DPP6: variants seen among roughly 807,000 people sequenced by gnomAD.
The protein encoded by DPP6 is A-type potassium channel modulatory protein DPP6.
In DPP6, 69 loss-of-function variants were observed where a neutral mutation model predicts 122.6. The ratio of observed to expected loss-of-function variants is 0.56; its 90% CI spans 0.46 to 0.69. DPP6 has a LOEUF of 0.69. DPP6 is among the 30% of genes least tolerant of loss of function. The probability of loss-of-function intolerance (pLI) is 0.00; values close to 1 mark genes in which losing one functional copy is unlikely to be tolerated. For synonymous variants in DPP6, 418 were observed against 433.1 expected (o/e 0.97, Z 0.43); for missense variants, 928 against 1,116.9 (o/e 0.83, Z 2.41).
intron 1 of DPP6, among the ~76,000 whole-genome samples, chr7:154,063,252 CA>C (rs1347662024): frequency 2.2e-5 from 3 of 136,830 alleles, no homozygotes; most frequent in East Asian, 2.2e-4. Context: ...CCTATTCCCC[CA>C]CTGGCTCTTA....
chr7:154,141,911 T>C (rs1489410421), intron 1 of DPP6, among the ~76,000 whole-genome samples: 1 of 152,206 alleles, frequency 6.6e-6, no homozygotes, highest in Non-Finnish European at 1.5e-5. Context: ...TAAAAATACA[T>C]TTGAATATGA....
intron 1 of DPP6, among the ~76,000 whole-genome samples, chr7:154,067,651 C>T (rs959686450): frequency 5.4e-4 from 82 of 152,226 alleles, no homozygotes; most frequent in Middle Eastern, 3.4e-3. Context: ...AAATTGGAAG[C>T]AGACACGTGA....
intron 1 of DPP6, among the ~76,000 whole-genome samples, chr7:154,252,071 A>C (rs1387768402): frequency 6.6e-6 from 1 of 152,262 alleles, no homozygotes; most frequent in African/African-American, 2.4e-5. Flanking sequence ...ACAGTCTAGC[A>C]GTGGCCTTTC....
intron 1 of DPP6, among the ~76,000 whole-genome samples, chr7:154,210,335 G>A (rs980018695): frequency 2.0e-5 from 3 of 152,100 alleles, no homozygotes; most frequent in African/African-American, 4.8e-5. Context: ...GACCTGCCAC[G>A]GTGCCCAAAA....
intron 3 of DPP6, among the ~76,000 whole-genome samples, chr7:154,505,769 C>T (rs1359833015): frequency 6.6e-6 from 1 of 152,138 alleles, no homozygotes; most frequent in African/African-American, 2.4e-5. Flanking sequence ...TGGTGTTGAC[C>T]TTGATCACCT....
intron 1 of DPP6, among the ~76,000 whole-genome samples, chr7:154,127,646 C>G (rs1216719580): frequency 0.05 from 3,220 of 64,074 alleles, 35 homozygotes; most frequent in Middle Eastern, 0.071. Context: ...CACACACACA[C>G]ACACAGACAC....
the DPP6 span, among the ~76,000 whole-genome samples, chr7:153,785,923 G>A: frequency 6.7e-6 from 1 of 149,934 alleles, no homozygotes; most frequent in African/African-American, 2.5e-5. Flanking sequence ...CAGTCGAATA[G>A]TAGAACCTGA....
chr7:154,388,286 C>CA (rs1378216083), intron 1 of DPP6, among the ~76,000 whole-genome samples: 1 of 152,008 alleles, frequency 6.6e-6, no homozygotes, highest in South Asian at 2.1e-4. Context: ...GAGACCCTGT[C>CA]AAAAAATATA....
At chr7:154,627,788 G>A (rs1267470818) in intron 5 of DPP6, among the ~76,000 whole-genome samples, 1 of 152,220 alleles carries the variant, frequency 6.6e-6, no homozygotes, top group African/African-American at 2.4e-5. Context: ...AAGATGCCGG[G>A]TCTTTGGGTG....
chr7:153,890,695 T>A (rs1799153870), intron 1 of DPP6, among the ~76,000 whole-genome samples: 1 of 138,088 alleles, frequency 7.2e-6, no homozygotes, highest in Non-Finnish European at 1.6e-5. Context: ...TTTTTTTTTT[T>A]TTTTTTTTTT....
intron 1 of DPP6, among the ~76,000 whole-genome samples, chr7:154,296,834 A>C (rs1805571400): frequency 6.6e-6 from 1 of 152,190 alleles, no homozygotes; most frequent in African/African-American, 2.4e-5. Context: ...AGTTCCTTAG[A>C]ATTGGATACT....
the DPP6 span, among the ~76,000 whole-genome samples, chr7:153,802,987 G>A: frequency 6.6e-6 from 1 of 151,374 alleles, no homozygotes; most frequent in Non-Finnish European, 1.5e-5. Flanking sequence ...CAGGCAGGGT[G>A]GTCCTAGAAA....
At chr7:154,420,198 G>A (rs939832154) in intron 1 of DPP6, among the ~76,000 whole-genome samples, 33 of 152,212 alleles carry the variant, frequency 2.2e-4, no homozygotes, top group African/African-American at 3.4e-4. Context: ...TTAGCTGGGC[G>A]TGGTGGCGGG....
At chr7:153,792,589 T>C in the DPP6 span, among the ~76,000 whole-genome samples, 11 of 152,314 alleles carry the variant, frequency 7.2e-5, no homozygotes, top group East Asian at 2.1e-3. Flanking sequence ...TGTCAGTGTT[T>C]GTCTTTCAAC....
intron 5 of DPP6, among the ~76,000 whole-genome samples, chr7:154,611,407 T>C (rs928018331): frequency 6.6e-6 from 1 of 152,158 alleles, no homozygotes; most frequent in Non-Finnish European, 1.5e-5. Context: ...CAAATGTTTG[T>C]GGGATGCCAA....
At chr7:154,130,878 A>G (rs963129923) in intron 1 of DPP6, among the ~76,000 whole-genome samples, 2 of 152,216 alleles carry the variant, frequency 1.3e-5, no homozygotes, top group African/African-American at 4.8e-5. Flanking sequence ...TACGGAGCAG[A>G]TCACCATGGA....
At chr7:154,347,324 CTGTT>C (rs980704981) in intron 1 of DPP6, among the ~76,000 whole-genome samples, 7 of 152,204 alleles carry the variant, frequency 4.6e-5, no homozygotes, top group Non-Finnish European at 8.8e-5. Context: ...TTGGATGAAA[CTGTT>C]TGTTTGCAAA....
intron 1 of DPP6, among the ~76,000 whole-genome samples, chr7:154,299,216 G>T (rs1805741712): frequency 6.6e-6 from 1 of 152,328 alleles, no homozygotes; most frequent in East Asian, 1.9e-4. Context: ...GCTGGCGTTG[G>T]GTTGCCCACG....
chr7:154,452,654 G>T (rs1820485726), intron 2 of DPP6, among the ~76,000 whole-genome samples: 1 of 152,190 alleles, frequency 6.6e-6, no homozygotes, highest in East Asian at 1.9e-4. Context: ...TGATTCAGTC[G>T]TTTTGTGAAA....
Sources: gnomAD v4.1 joint callset for allele counts (sites outside exome capture counted in the v4.1 genomes callset) on GRCh38, gnomAD v4.1.1 for gene constraint, MANE v1.5 for transcripts, NCBI Gene and HGNC (gene_info 2026-07-23, HGNC 2026-07-21) for gene names.